PLEKHM1: variants seen among roughly 807,000 people sequenced by gnomAD.
The protein encoded by PLEKHM1 is pleckstrin homology and RUN domain containing M1, also known as pleckstrin homology domain-containing family M member 1.
A neutral mutation model predicts 94.3 loss-of-function variants in PLEKHM1; 28 were observed. The observed-to-expected ratio is 0.30, with a 90% CI of 0.22 to 0.41. The LOEUF (loss-of-function observed/expected upper bound fraction) is 0.41, where lower values mean the gene tolerates loss of function less well. Ranked by LOEUF, PLEKHM1 falls within the 10% of genes least tolerant of loss-of-function variation. The pLI is 1.00. For synonymous variants in PLEKHM1, 424 were observed against 581.2 expected (o/e 0.73, Z 3.89); for missense variants, 907 against 1,358.6 (o/e 0.67, Z 5.22).
intron 5 of PLEKHM1, among the ~76,000 whole-genome samples, chr17:45,467,839 G>A (rs1331007438): frequency 1.3e-5 from 2 of 152,140 alleles, no homozygotes; most frequent in East Asian, 3.9e-4. Flanking sequence ...AAGGTTCAGA[G>A]AGCTGAAGTG....
At chr17:45,478,356 C>T (rs2051826402) in intron 2 of PLEKHM1, among the ~76,000 whole-genome samples, 1 of 152,224 alleles carries the variant, frequency 6.6e-6, no homozygotes, top group Admixed American at 6.5e-5. Context: ...AAATCACACA[C>T]ACTACCCAGA....
At chr17:45,474,038 A>T (rs1432370757) in intron 4 of PLEKHM1, among the ~76,000 whole-genome samples, 1 of 150,808 alleles carries the variant, frequency 6.6e-6, no homozygotes, top group African/African-American at 2.4e-5. Flanking sequence ...ATCTATGCAA[A>T]TTTTTTATTT....
At chr17:45,479,835 A>G (rs1381301564) in intron 2 of PLEKHM1, among the ~76,000 whole-genome samples, 2 of 152,266 alleles carry the variant, frequency 1.3e-5, no homozygotes, top group Non-Finnish European at 2.9e-5. Flanking sequence ...ATGTTTGTTA[A>G]ATGATACACC....
Position 45,444,068 on chromosome 17 carries a change from C to T in PLEKHM1, c.2837+1402G>A, listed in dbSNP as rs1200224822. On this transcript the variant is annotated intron_variant, in intron 9 of 11. Transcript: ENST00000430334. The surrounding 1 kb of genome is among the most constrained non-coding windows in gnomAD (Gnocchi z 5.0). ...CCTTGAGAGCCCCTGGGGACCTGCT[C>T]GAGGCACACCCTGGCCCTGAGGAGG... Among the ~76,000 whole-genome samples the T allele has an allele frequency of 6.6e-6, 1 of 152,134 alleles. No homozygotes were observed. Among genetic ancestry groups the T allele is most frequent in the Non-Finnish European group, 1.5e-5 (1 of 68,010 alleles).
chr17:45,445,985 C>T lies in PLEKHM1; in HGVS notation c.2644-322G>A. The T allele has an allele frequency of 2.0e-6, 1 of 494,186 alleles. No homozygotes were observed. The highest frequency in any genetic ancestry group is 3.7e-6 in the Non-Finnish European group (1 of 271,848). The allele number at this position is 494,186 out of a possible 1,614,324, so 30.6% of individuals were successfully genotyped here. Reference sequence around the variant, plus strand: ...CCCCTCCCTCTGGGCCTCACAGATCCTTCCCACTCTTTCCTGTCCTCCCAG... The same window carrying T: ...CCCCTCCCTCTGGGCCTCACAGATCTTTCCCACTCTTTCCTGTCCTCCCAG... On this transcript the variant is annotated intron_variant, in intron 8 of 11. Coordinates refer to ENST00000430334, the MANE Select transcript of PLEKHM1 (RefSeq NM_014798.3). This position sits in a 1 kb window ranked among gnomAD's most constrained non-coding sequence, Gnocchi z 4.2.
At chr17:45,455,926 G>A (rs560769772) in intron 6 of PLEKHM1, among the ~76,000 whole-genome samples, 12 of 152,308 alleles carry the variant, frequency 7.9e-5, no homozygotes, top group East Asian at 7.7e-4. Context: ...CACAGGCCTC[G>A]TCAGATTGAC....
chr17:45,485,306 C>T (rs987011485), intron 1 of PLEKHM1, among the ~76,000 whole-genome samples: 3 of 152,140 alleles, frequency 2.0e-5, no homozygotes, highest in South Asian at 4.1e-4. Context: ...CAGCAGGCCA[C>T]GTCCAGCTTC....
rs945314777 is a variant in PLEKHM1 at position 45,444,117 on chromosome 17, C to T, written c.2837+1353G>A. ...GGCCCGGCTCTGGGAGCACTGCAGC[C>T]AGGATGGAGGAGGCAGTCTTCAGAG... On this transcript the variant is annotated intron_variant, in intron 9 of 11. Transcript: ENST00000430334. This position sits in a 1 kb window ranked among gnomAD's most constrained non-coding sequence, Gnocchi z 5.0. 6.6e-6 allele frequency among the ~76,000 whole-genome samples: 1 copy of T among 152,130 alleles called. No individual in the cohort carries two copies. Among genetic ancestry groups the T allele is most frequent in the African/African-American group, 2.4e-5 (1 of 41,434 alleles).
In PLEKHM1 at chr17:45,436,285, G is replaced by T. The variant is rs1319058242; in HGVS notation, c.*1573C>A. 3 of 454,072 alleles carry T rather than the reference G, an allele frequency of 6.6e-6. No homozygotes were observed. Among genetic ancestry groups the T allele is most frequent in the Non-Finnish European group, 1.3e-5 (3 of 226,816 alleles). The allele number at this position is 454,072 out of a possible 1,614,324, so 28.1% of individuals were successfully genotyped here. ...TGGAGCGTTAATGTGGGCCATGGCG[G>T]TGCATAACCCAGCTCCTGGCTTAGG... On this transcript the variant is annotated 3_prime_UTR_variant, in exon 12 of 12. Coordinates refer to ENST00000430334, the MANE Select transcript of PLEKHM1 (RefSeq NM_014798.3).
At chr17:45,455,680 C>G (rs1366581609) in intron 6 of PLEKHM1, among the ~76,000 whole-genome samples, 1 of 152,190 alleles carries the variant, frequency 6.6e-6, no homozygotes, top group African/African-American at 2.4e-5. Context: ...ATTGGCTCTG[C>G]CTTCCACACA....
chr17:45,442,428 C>CA (rs2145170266), intron 9 of PLEKHM1, among the ~76,000 whole-genome samples: 1 of 152,246 alleles, frequency 6.6e-6, no homozygotes, highest in African/African-American at 2.4e-5. Context: ...GTTTTTGAGA[C>CA]AGAGTCTCAC....
intron 5 of PLEKHM1, among the ~76,000 whole-genome samples, chr17:45,465,122 C>T (rs2051280932): frequency 6.6e-6 from 1 of 151,880 alleles, no homozygotes. Context: ...AACTATTCAT[C>T]CATGCCTACT....
chr17:45,443,847 G>C (rs551871956), intron 9 of PLEKHM1, among the ~76,000 whole-genome samples: 2 of 152,152 alleles, frequency 1.3e-5, no homozygotes, highest in Non-Finnish European at 2.9e-5. Flanking sequence ...TTGCCAAGAG[G>C]TGGAGACCCA....
intron 5 of PLEKHM1, 100 bp from the exon 6 acceptor site, chr17:45,458,539 C>T (rs1164546287): frequency 8.6e-6 from 10 of 1,166,144 alleles, no homozygotes; most frequent in South Asian, 5.1e-5. Context: ...CGCGCAACCT[C>T]GGCTCACTGC....
chr17:45,477,710 C>A (rs1347134623), intron 3 of PLEKHM1, 190 bp downstream of exon 3: 27 of 662,464 alleles, frequency 4.1e-5, no homozygotes, highest in Non-Finnish European at 6.4e-5. Flanking sequence ...GATCTGCTGG[C>A]ACACTGGCTG....
downstream of PLEKHM1, among the ~76,000 whole-genome samples, chr17:45,434,967 CAAAAAAA>C (rs11369025): frequency 2.0e-5 from 2 of 98,132 alleles, no homozygotes; most frequent in South Asian, 4.1e-4. Context: ...AGACTGTATC[CAAAAAAA>C]AAAAAAAAAA....
At chr17:45,475,885 C>T in intron 3 of PLEKHM1, 159 bp from the exon 4 acceptor site, 2 of 807,686 alleles carry the variant, frequency 2.5e-6, no homozygotes, top group Non-Finnish European at 2.1e-6. Context: ...TGGTGGCTCA[C>T]ACCTGTAATC....
intron 4 of PLEKHM1, among the ~76,000 whole-genome samples, chr17:45,469,775 T>C (rs910117607): frequency 6.6e-6 from 1 of 152,200 alleles, no homozygotes; most frequent in Non-Finnish European, 1.5e-5. Context: ...TCCATACATG[T>C]ATAAGTAACT....
chr17:45,465,215 A>G (rs1053920285), intron 5 of PLEKHM1, among the ~76,000 whole-genome samples: 9 of 151,786 alleles, frequency 5.9e-5, no homozygotes, highest in African/African-American at 2.2e-4. Context: ...ATATTCTAGT[A>G]AGGAAGACAG....
Sources: gnomAD v4.1 joint callset for allele counts (sites outside exome capture counted in the v4.1 genomes callset) on GRCh38, gnomAD v4.1.1 for gene constraint, Gnocchi (gnomAD v3.1) non-coding constraint, MANE v1.5 for transcripts, NCBI Gene and HGNC (gene_info 2026-07-23, HGNC 2026-07-21) for gene names.